SNX5: variants seen among roughly 807,000 people sequenced by gnomAD.
SNX5 encodes sorting nexin 5.
In SNX5, 31 loss-of-function variants were observed where a neutral mutation model predicts 53.9. That is an observed-to-expected ratio of 0.58 (90% CI 0.43 to 0.78). SNX5 has a LOEUF of 0.78. SNX5 is among the 30% of genes least tolerant of loss of function. The pLI is 0.00. For missense variants in SNX5, 471 were observed against 478.8 expected, an observed-to-expected ratio of 0.98 and a Z score of 0.15; for synonymous variants, 168 against 171.1, an observed-to-expected ratio of 0.98 and a Z score of 0.14.
chr20:17,942,563 C>T (rs560025003), intron 12 of SNX5, 156 bp from the exon 13 acceptor site: 6 of 652,136 alleles, frequency 9.2e-6, no homozygotes, highest in African/African-American at 1.8e-5. Context: ...TGAACTGCAA[C>T]GTACCACGCA....
chr20:17,949,210 G>T, intron 8 of SNX5, 107 bp from the exon 9 acceptor site: 1 of 881,644 alleles, frequency 1.1e-6, no homozygotes, highest in Non-Finnish European at 1.8e-6. Flanking sequence ...CCTAGCCTTT[G>T]GTACTTTAGC....
chr20:17,964,407 C>A (rs1266693776), intron 1 of SNX5, among the ~76,000 whole-genome samples: 6 of 152,112 alleles, frequency 3.9e-5, no homozygotes, highest in Non-Finnish European at 7.4e-5. Context: ...AAGCCAAGGA[C>A]CCCCATTTTT....
At chr20:17,947,703 C>G in intron 10 of SNX5, 58 bp from the exon 11 acceptor site, 6 of 1,458,290 alleles carry the variant, frequency 4.1e-6, no homozygotes, top group Non-Finnish European at 5.6e-6. Flanking sequence ...TAAAAAATAG[C>G]CCAAGTGCCA....
chr20:17,963,894 T>C (rs1369532057), intron 1 of SNX5, among the ~76,000 whole-genome samples: 1 of 111,248 alleles, frequency 9.0e-6, no homozygotes, highest in East Asian at 2.6e-4. Context: ...GCTTTTTGGT[T>C]GGACATTTCT....
rs752073197 is a variant in SNX5 at position 17,950,448 on chromosome 20, C to G, written c.610-52G>C. 11 of 991,148 alleles carry G rather than the reference C, an allele frequency of 1.1e-5. No individual in the cohort carries two copies. In the East Asian group the frequency reaches 2.2e-4, roughly 20 times the overall value. 61.4% of individuals were successfully genotyped at this position (991,148 alleles called of 1,614,324 possible). On this transcript the variant is annotated intron_variant, in intron 6 of 12. Coordinates refer to ENST00000377759, the MANE Select transcript of SNX5 (RefSeq NM_014426.4). ...CATTTCATGAAATATACTATCCCTG[C>G]AGCCTTTTACATTTATCAATATAAA...
At position 17,956,438 on chromosome 20, in the gene SNX5, T is replaced by C. The variant is rs573768098; in HGVS notation, c.156+495A>G. ...CTTGGATGCAAATTAAAAACAAAGC[T>C]GGGGCCCGGTGTGGTGGCTCTGGCT... On this transcript the variant is annotated intron_variant, in intron 2 of 12. Transcript: ENST00000377759. Among the ~76,000 whole-genome samples the C allele has an allele frequency of 2.8e-3, 431 of 152,110 alleles. 2 individuals carry two copies. Among genetic ancestry groups the C allele is most frequent in the Non-Finnish European group, 4.5e-3 (308 of 67,986 alleles).
chr20:17,961,226 A>G (rs991149592), intron 1 of SNX5: 5 of 985,324 alleles, frequency 5.1e-6, no homozygotes, highest in African/African-American at 1.7e-5. Flanking sequence ...ACCAGTCTTC[A>G]TAAACTCACT....
At chr20:17,965,611 C>T (rs1052153437) in intron 1 of SNX5, among the ~76,000 whole-genome samples, 9 of 144,588 alleles carry the variant, frequency 6.2e-5, no homozygotes, top group African/African-American at 2.1e-4. Context: ...GTCGAGGCTG[C>T]AGTGAGTTGT....
Position 17,955,493 on chromosome 20 carries a change from A to G in SNX5, c.157-18T>C. On this transcript the variant is annotated intron_variant, in intron 2 of 12. Coordinates refer to ENST00000377759, the MANE Select transcript of SNX5 (RefSeq NM_014426.4). ...AGTGTGGTCTGTAAAGAAAGAAAGA[A>G]GTTAACTGGTAACCACGACTTTTAG... 3 of 1,582,172 alleles carry G rather than the reference A, an allele frequency of 1.9e-6. No individual in the cohort carries two copies. Among genetic ancestry groups the G allele is most frequent in the Non-Finnish European group, 2.6e-6 (3 of 1,152,090 alleles).
intron 12 of SNX5, 157 bp downstream of exon 12, chr20:17,942,953 T>A: frequency 3.5e-6 from 2 of 571,016 alleles, no homozygotes; most frequent in Non-Finnish European, 3.1e-6. Flanking sequence ...TAAACAAGAC[T>A]ACAAATAAAC....
At chr20:17,960,080 CAA>C (rs2035423074) in intron 1 of SNX5, among the ~76,000 whole-genome samples, 1 of 152,196 alleles carries the variant, frequency 6.6e-6, no homozygotes. Context: ...CTTTACCATG[CAA>C]AGTTTTACCT....
At chr20:17,965,064 G>A (rs1216787151) in intron 1 of SNX5, among the ~76,000 whole-genome samples, 1 of 152,198 alleles carries the variant, frequency 6.6e-6, no homozygotes, top group Admixed American at 6.5e-5. Flanking sequence ...CCTTAGGCAA[G>A]ATTAATAGAA....
In SNX5 at chr20:17,950,352, G is replaced by A; in HGVS notation, c.654C>T (p.Asn218=). 1 of 1,613,284 alleles carries A rather than the reference G, an allele frequency of 6.2e-7. No individual in the cohort carries two copies. The highest frequency in any genetic ancestry group is 8.5e-7 in the Non-Finnish European group (1 of 1,179,286). ...AAGAATCTTTGATCCTATTGTAATA[G>A]TTAATAAGGAAGTTCTTCTCTTGCT... ...FFEQEKNFLI[N]YYNRIKDSCV... Residue 218 remains asparagine (N), a synonymous_variant, in exon 7 of 13, where the codon AAC becomes AAT. Coordinates refer to ENST00000377759, the MANE Select transcript of SNX5 (RefSeq NM_014426.4).
At position 17,961,517 on chromosome 20, in the gene SNX5, AAT is replaced by A. The variant is rs547043171; in HGVS notation, c.52-4482_52-4481del. 1.6e-4 allele frequency: 153 copies of A among 985,372 alleles called. No individual in the cohort carries two copies. The African/African-American group carries it at 2.4e-3, about 15-fold the overall frequency. The allele number at this position is 985,372 out of a possible 1,614,324, so 61.0% of individuals were successfully genotyped here. A position where few individuals can be genotyped will look rare whatever the true frequency, so the allele number is the denominator to read the frequency against. On this transcript the variant is annotated intron_variant, in intron 1 of 12. Transcript: ENST00000377759. ...GCTAGTTGAACAGTCATTTAAATCT[AAT>A]AGTCATTTGTATACAATGTAAGACA...
In SNX5 at chr20:17,943,184, A is replaced by T; in HGVS notation, c.1090T>A (p.Phe364Ile). 1 of 1,604,892 alleles carries T rather than the reference A, an allele frequency of 6.2e-7. No homozygotes were observed. Among genetic ancestry groups the T allele is most frequent in the Non-Finnish European group, 8.5e-7 (1 of 1,171,666 alleles). ...AATGCTGCCACTCTCTTCCGTTTGA[A>T]ATTTATCAGTTCTACAGGAAGAAAA... ...SESAKEELIN[F>I]KRKRVAAFRK... Residue 364 changes from phenylalanine to isoleucine, a missense_variant, in exon 12 of 13, where the codon TTC becomes ATC. Phe to Ile is a conservative substitution (Grantham distance 21, BLOSUM62 0). Transcript: ENST00000377759.
At position 17,942,524 on chromosome 20, in the gene SNX5, G is replaced by C. The variant is rs1377169051; in HGVS notation, c.1165-117C>G. On this transcript the variant is annotated intron_variant, in intron 12 of 12. Transcript: ENST00000377759. ...GGAGGTTTAAAGTCAGCCAGAGCAA[G>C]CTGGCCCTTCTCTTCATCAAATCCC... 4 of 771,244 alleles carry C rather than the reference G, an allele frequency of 5.2e-6. No individual in the cohort carries two copies. In the Admixed American group the frequency reaches 5.7e-5, roughly 11 times the overall value. 47.8% of individuals were successfully genotyped at this position (771,244 alleles called of 1,614,324 possible).
chr20:17,962,371 A>C (rs1331216763), intron 1 of SNX5, among the ~76,000 whole-genome samples: 1 of 151,442 alleles, frequency 6.6e-6, no homozygotes, highest in African/African-American at 2.4e-5. Context: ...CACCCAGCTA[A>C]TTTTTGTATT....
At position 17,966,775 on chromosome 20, in the gene SNX5, G is replaced by A. The variant is rs539326988; in HGVS notation, c.51+1600C>T. Reference sequence around the variant, plus strand: ...AACATTTCAGTTGACTACCGAAATTGTATTATGGCAAAAAGTTGCCCAAGA... The same window carrying A: ...AACATTTCAGTTGACTACCGAAATTATATTATGGCAAAAAGTTGCCCAAGA... On this transcript the variant is annotated intron_variant, in intron 1 of 12. Transcript: ENST00000377759. Among the ~76,000 whole-genome samples, 4 of 152,258 alleles carry A rather than the reference G, an allele frequency of 2.6e-5. No homozygotes were observed. The South Asian group carries it at 6.2e-4, about 24-fold the overall frequency.
rs2035610702 is a variant in SNX5, at chr20:17,968,484, C to G, written c.-59G>C. ...TGTGCGAGGAAAGAAGAAGCTGGGC[C>G]GCCGCCGCCGCCGCCTGGGCGCCTC... On this transcript the variant is annotated 5_prime_UTR_variant, in exon 1 of 13. Coordinates refer to ENST00000377759, the MANE Select transcript of SNX5 (RefSeq NM_014426.4). The G allele has an allele frequency of 5.7e-6, 7 of 1,233,426 alleles. No individual in the cohort carries two copies. In the South Asian group the frequency reaches 2.1e-4, roughly 37 times the overall value. 76.4% of individuals were successfully genotyped at this position (1,233,426 alleles called of 1,614,324 possible). A position where few individuals can be genotyped will look rare whatever the true frequency, so the allele number is the denominator to read the frequency against.
Sources: allele counts gnomAD v4.1 joint callset (sites outside exome capture counted in the v4.1 genomes callset), GRCh38; gene constraint gnomAD v4.1.1; transcripts MANE v1.5; gene names NCBI Gene and HGNC (gene_info 2026-07-23, HGNC 2026-07-21).